The following TEX36 variants were observed in gnomAD, a reference collection of about 807,000 sequenced individuals.
The protein encoded by TEX36 is testis expressed 36.
TEX36 carries 12 observed loss-of-function variants against 13.6 expected under a neutral mutation model. The ratio of observed to expected loss-of-function variants is 0.88; its 90% confidence interval spans 0.56 to 1.43. The LOEUF (loss-of-function observed/expected upper bound fraction) is 1.43. TEX36 is among the 40% of genes most tolerant of loss of function. TEX36 has a pLI of 0.00. For synonymous variants in TEX36, 93 were observed against 83.0 expected, an observed-to-expected ratio of 1.12 and a Z score of -0.65; for missense variants, 224 against 228.3, an observed-to-expected ratio of 0.98 and a Z score of 0.12.
At chr10:125,581,653 C>T (rs928780905) in intron 3 of TEX36, among the ~76,000 whole-genome samples, 4 of 152,200 alleles carry the variant, frequency 2.6e-5, no homozygotes, top group African/African-American at 9.7e-5. Flanking sequence ...CAGTCTCTGC[C>T]TTTTTCCCCC....
In TEX36 at chr10:125,614,356, C is replaced by T. The variant is rs890914346; in HGVS notation, c.265-37482G>A. On this transcript the variant is annotated intron_variant, in intron 3 of 3. Transcript: ENST00000532135. ...GTGTTTTAGACATGAAGTCCTTGCC[C>T]ATGCCTATGTCCTGAATGGTAATGC... Among the ~76,000 whole-genome samples, 17 of 152,246 alleles carry T rather than the reference C, an allele frequency of 1.1e-4. No individual in the cohort carries two copies. In the South Asian group the frequency reaches 2.3e-3, roughly 20 times the overall value.
At chr10:125,667,378 G>C in intron 1 of TEX36, 1 of 651,590 alleles carries the variant, frequency 1.5e-6, no homozygotes, top group Non-Finnish European at 2.9e-6. Flanking sequence ...CATTAGGGGG[G>C]ATCTCAGGCT....
Position 125,627,259 on chromosome 10 carries a change from T to C in TEX36, c.265-5614A>G, listed in dbSNP as rs762939581. On this transcript the variant is annotated intron_variant, in intron 3 of 3. Transcript: ENST00000526819. ...CTGTCAGACACACTACTTCAGAACATATCTGGATAGAAGAACAATGAGCAT... is the reference window on the plus strand; with the variant it reads ...CTGTCAGACACACTACTTCAGAACACATCTGGATAGAAGAACAATGAGCAT... 1.2e-4 allele frequency among the ~76,000 whole-genome samples: 19 copies of C among 152,354 alleles called. No individual in the cohort carries two copies. The Middle Eastern group carries it at 0.01, about 82-fold the overall frequency.
chr10:125,622,346 C>T (rs1461703958), intron 3 of TEX36, among the ~76,000 whole-genome samples: 3 of 152,182 alleles, frequency 2.0e-5, no homozygotes, highest in Non-Finnish European at 2.9e-5. Flanking sequence ...GAAGATATTT[C>T]CTTAGTACAG....
intron 3 of TEX36, among the ~76,000 whole-genome samples, chr10:125,639,764 G>A (rs1846662835): frequency 6.6e-6 from 1 of 152,160 alleles, no homozygotes; most frequent in South Asian, 2.1e-4. Flanking sequence ...TAAACATCTA[G>A]AATGTCATAA....
intron 3 of TEX36, among the ~76,000 whole-genome samples, chr10:125,659,163 C>T (rs1846990801): frequency 6.6e-6 from 1 of 152,140 alleles, no homozygotes; most frequent in Non-Finnish European, 1.5e-5. Context: ...ATTTCATAGG[C>T]AAATTCTGTC....
intron 3 of TEX36, among the ~76,000 whole-genome samples, chr10:125,622,901 A>T (rs927502925): frequency 2.0e-5 from 3 of 152,194 alleles, no homozygotes; most frequent in Non-Finnish European, 4.4e-5. Context: ...CAATGGAATC[A>T]TTGTTGCGTC....
chr10:125,594,717 ATTAC>A (rs1264979602), intron 3 of TEX36, among the ~76,000 whole-genome samples: 3 of 152,252 alleles, frequency 2.0e-5, no homozygotes, highest in Admixed American at 2.0e-4. Context: ...TTGCTAAACT[ATTAC>A]TTAGAGGGAA....
intron 3 of TEX36, among the ~76,000 whole-genome samples, chr10:125,595,933 C>T (rs1231609732): frequency 6.6e-6 from 1 of 152,218 alleles, no homozygotes; most frequent in African/African-American, 2.4e-5. Flanking sequence ...CTGTGCCTGA[C>T]ACATTGCTGA....
At chr10:125,648,738 G>A (rs933674073) in intron 3 of TEX36, among the ~76,000 whole-genome samples, 10 of 152,092 alleles carry the variant, frequency 6.6e-5, no homozygotes, top group East Asian at 1.9e-4. Flanking sequence ...CGAACCCATC[G>A]CAAAGAAGCT....
chr10:125,620,814 A>G (rs1846420177), downstream of TEX36, among the ~76,000 whole-genome samples: 1 of 152,160 alleles, frequency 6.6e-6, no homozygotes. Context: ...GGCAACCACC[A>G]TTCCAGTTTC....
intron 3 of TEX36, among the ~76,000 whole-genome samples, chr10:125,638,116 T>C (rs551407369): frequency 9.3e-4 from 141 of 151,920 alleles, no homozygotes; most frequent in Non-Finnish European, 1.5e-3. Context: ...CACTCTCAAG[T>C]TTCTTTCATC....
At chr10:125,653,075 G>A (rs1287672276), downstream of TEX36, among the ~76,000 whole-genome samples, 1 of 152,218 alleles carries the variant, frequency 6.6e-6, no homozygotes, top group East Asian at 1.9e-4. Flanking sequence ...GGAAAACAGT[G>A]TGGCAATTCC....
chr10:125,656,350 G>A (rs899252887), intron 3 of TEX36, among the ~76,000 whole-genome samples, 154 bp from the exon 4 acceptor site: 1 of 133,792 alleles, frequency 7.5e-6, no homozygotes, highest in African/African-American at 2.7e-5. Context: ...TCTGCCTCCC[G>A]GGTTCAAGCA....
chr10:125,643,894 A>G (rs1167447211), intron 3 of TEX36, among the ~76,000 whole-genome samples: 1 of 152,230 alleles, frequency 6.6e-6, no homozygotes, highest in East Asian at 1.9e-4. Flanking sequence ...CCTTGGTGAC[A>G]GAGCGAGACT....
intron 3 of TEX36, among the ~76,000 whole-genome samples, chr10:125,650,402 G>A (rs1478485616): frequency 6.6e-6 from 1 of 152,118 alleles, no homozygotes; most frequent in Non-Finnish European, 1.5e-5. Context: ...TGACTACTGG[G>A]TACATAACGA....
intron 3 of TEX36, among the ~76,000 whole-genome samples, chr10:125,599,675 C>A (rs1846122081): frequency 6.6e-6 from 1 of 152,178 alleles, no homozygotes; most frequent in Non-Finnish European, 1.5e-5. Flanking sequence ...CTGCCTCAAA[C>A]AACTGGCAAA....
downstream of TEX36, among the ~76,000 whole-genome samples, chr10:125,621,086 G>A (rs1375749827): frequency 6.6e-6 from 1 of 152,072 alleles, no homozygotes; most frequent in African/African-American, 2.4e-5. Context: ...CTATAAAAAT[G>A]GGTATACAGA....
At chr10:125,667,166 G>GT in intron 1 of TEX36, 1 of 664,870 alleles carries the variant, frequency 1.5e-6, no homozygotes, top group East Asian at 3.2e-5. Context: ...ACAGCGGGGG[G>GT]CACTGTGCGG....
Sources: allele counts gnomAD v4.1 joint callset (sites outside exome capture counted in the v4.1 genomes callset), GRCh38; gene constraint gnomAD v4.1.1; transcripts MANE v1.5; gene names NCBI Gene and HGNC (gene_info 2026-07-23, HGNC 2026-07-21).